The following GMDS variants were observed in gnomAD, a reference collection of about 807,000 sequenced individuals.
GMDS encodes the protein GDP-mannose 4,6 dehydratase.
Under a neutral mutation model 49.9 loss-of-function variants are expected in GMDS, and 20 were observed. The ratio of observed to expected loss-of-function variants is 0.40; its 90% confidence interval spans 0.28 to 0.58. The LOEUF (loss-of-function observed/expected upper bound fraction) is 0.58. Ranked by LOEUF, GMDS falls within the 20% of genes least tolerant of loss-of-function variation. The pLI is 0.42. For missense variants in GMDS, 362 were observed against 481.4 expected, an observed-to-expected ratio of 0.75 and a Z score of 2.32; for synonymous variants, 177 against 178.6, an observed-to-expected ratio of 0.99 and a Z score of 0.07.
intron 7 of GMDS, among the ~76,000 whole-genome samples, chr6:1,764,084 A>G (rs905388790): frequency 1.3e-5 from 2 of 152,070 alleles, no homozygotes; most frequent in Non-Finnish European, 2.9e-5. Flanking sequence ...GTTAAGAGTG[A>G]AGGAGCGAAG....
At chr6:1,809,815 T>A (rs1329932470) in intron 7 of GMDS, among the ~76,000 whole-genome samples, 2 of 151,314 alleles carry the variant, frequency 1.3e-5, no homozygotes, top group African/African-American at 4.9e-5. Flanking sequence ...GGAGGGAGAG[T>A]GATGCAACAA....
chr6:2,082,771 C>T (rs1185885334), intron 4 of GMDS, among the ~76,000 whole-genome samples: 1 of 152,148 alleles, frequency 6.6e-6, no homozygotes, highest in Non-Finnish European at 1.5e-5. Context: ...TGTGTCTGTG[C>T]TATAATGTTT....
chr6:1,938,507 A>G (rs762778855), intron 6 of GMDS, among the ~76,000 whole-genome samples: 1 of 152,188 alleles, frequency 6.6e-6, no homozygotes, highest in Non-Finnish European at 1.5e-5. Context: ...TCTGGTTTGC[A>G]GTTTCTGCTA....
chr6:1,879,297 A>C (rs1255888907), intron 7 of GMDS, among the ~76,000 whole-genome samples: 1 of 152,218 alleles, frequency 6.6e-6, no homozygotes, highest in Non-Finnish European at 1.5e-5. Context: ...AAAAACATTA[A>C]ATACGCTACT....
At chr6:2,067,163 T>C (rs994215986) in intron 4 of GMDS, among the ~76,000 whole-genome samples, 1 of 151,646 alleles carries the variant, frequency 6.6e-6, no homozygotes, top group African/African-American at 2.4e-5. Flanking sequence ...CCTGAATGAC[T>C]ACTGGGTACA....
chr6:1,860,540 G>C (rs1198842460), intron 7 of GMDS, among the ~76,000 whole-genome samples: 1 of 152,162 alleles, frequency 6.6e-6, no homozygotes, highest in East Asian at 1.9e-4. Context: ...TCTTGATGAT[G>C]GTGGTAGTTA....
At chr6:1,954,850 C>T (rs540825942) in intron 6 of GMDS, among the ~76,000 whole-genome samples, 33 of 152,128 alleles carry the variant, frequency 2.2e-4, no homozygotes, top group Middle Eastern at 3.4e-3. Flanking sequence ...AACGGGGCGG[C>T]GGTGGCAGGG....
At position 2,154,376 on chromosome 6, in the gene GMDS, A is replaced by G. The variant is rs1481011652; in HGVS notation, c.103-29645T>C. Among the ~76,000 whole-genome samples the G allele has an allele frequency of 2.0e-5, 3 of 152,190 alleles. No individual in the cohort carries two copies. The East Asian group carries it at 5.8e-4, about 29-fold the overall frequency. ...CCAACAGCAAAATAACATTTAAAAT[A>G]AATTTTCTTTTCTATTCAGATTGCT... is the stretch of plus-strand genomic sequence containing the variant. On this transcript the variant is annotated intron_variant, in intron 1 of 10. Coordinates refer to ENST00000380815, the MANE Select transcript of GMDS (RefSeq NM_001500.4).
intron 1 of GMDS, among the ~76,000 whole-genome samples, chr6:2,222,097 G>C (rs1301555654): frequency 6.6e-6 from 1 of 152,234 alleles, no homozygotes; most frequent in East Asian, 1.9e-4. Flanking sequence ...TGATTAGCTG[G>C]AAGCGACTAG....
chr6:1,756,755 C>T (rs1296553772), intron 7 of GMDS, among the ~76,000 whole-genome samples: 3 of 152,214 alleles, frequency 2.0e-5, no homozygotes, highest in Non-Finnish European at 2.9e-5. Flanking sequence ...CTCCACGTGG[C>T]CATTCTCCAG....
chr6:1,815,000 C>A (rs1770597453), intron 7 of GMDS, among the ~76,000 whole-genome samples: 1 of 152,092 alleles, frequency 6.6e-6, no homozygotes, highest in African/African-American at 2.4e-5. Flanking sequence ...AACAGGCATG[C>A]AATAAAGTAT....
At chr6:2,065,020 A>C (rs143032980) in intron 4 of GMDS, among the ~76,000 whole-genome samples, 4,169 of 152,052 alleles carry the variant, frequency 0.027, 161 homozygotes, top group East Asian at 0.11. Context: ...CTTAAATGTT[A>C]CTGTCTGACA....
chr6:2,036,751 A>C (rs1769330540), intron 4 of GMDS, among the ~76,000 whole-genome samples: 1 of 152,244 alleles, frequency 6.6e-6, no homozygotes, highest in Admixed American at 6.5e-5. Context: ...TGGGAAAAGT[A>C]AACCATAAAC....
At chr6:1,821,608 TTTG>T (rs1193605531) in intron 7 of GMDS, among the ~76,000 whole-genome samples, 6 of 99,722 alleles carry the variant, frequency 6.0e-5, no homozygotes, top group African/African-American at 2.3e-4. Context: ...TAACAATTTA[TTTG>T]TTTTTTTTTT....
chr6:1,827,952 G>T (rs753100144), intron 7 of GMDS, among the ~76,000 whole-genome samples: 2 of 151,992 alleles, frequency 1.3e-5, no homozygotes, highest in Non-Finnish European at 2.9e-5. Context: ...AAAATAAAAT[G>T]ACATAAAACA....
intron 9 of GMDS, among the ~76,000 whole-genome samples, chr6:1,677,497 G>A (rs1020827952): frequency 1.8e-4 from 28 of 152,176 alleles, no homozygotes; most frequent in Middle Eastern, 3.4e-3. Context: ...ACATGCACAC[G>A]TATGTTTATT....
chr6:1,814,514 G>T lies in GMDS; in HGVS notation c.772-71928C>A, dbSNP rs912997991. The stretch of plus-strand genomic sequence containing the variant: ...CTAAGTTTGGGGCTGTGCCACATGA[G>T]GCAAGAGAGCACGTTAAACACGTGT... On this transcript the variant is annotated intron_variant, in intron 7 of 10. Transcript: ENST00000380815. 1.1e-4 allele frequency among the ~76,000 whole-genome samples: 17 copies of T among 152,204 alleles called. No individual in the cohort carries two copies. The South Asian group carries it at 2.9e-3, about 26-fold the overall frequency.
intron 7 of GMDS, among the ~76,000 whole-genome samples, chr6:1,750,757 G>A (rs1226291367): frequency 6.6e-6 from 1 of 152,152 alleles, no homozygotes; most frequent in African/African-American, 2.4e-5. Flanking sequence ...GCTGAAGCCA[G>A]GGAGCCAAGT....
chr6:1,748,644 C>T (rs1031379669), intron 7 of GMDS, among the ~76,000 whole-genome samples: 1 of 152,180 alleles, frequency 6.6e-6, no homozygotes, highest in African/African-American at 2.4e-5. Flanking sequence ...GGTTTGTGAA[C>T]CACATGGTCT....
Sources: allele counts gnomAD v4.1 joint callset (sites outside exome capture counted in the v4.1 genomes callset), GRCh38; gene constraint gnomAD v4.1.1; transcripts MANE v1.5; gene names NCBI Gene and HGNC (gene_info 2026-07-23, HGNC 2026-07-21).